NRXN3: variants seen among roughly 807,000 people sequenced by gnomAD.
The protein encoded by NRXN3 is neurexin III.
Under a neutral mutation model 137.6 loss-of-function variants are expected in NRXN3, and 32 were observed. The ratio of observed to expected loss-of-function variants is 0.23; its 90% confidence interval spans 0.18 to 0.31. NRXN3 has a LOEUF of 0.31. Ranked by LOEUF, NRXN3 falls within the 10% of genes least tolerant of loss-of-function variation. The pLI is 1.00. For synonymous variants in NRXN3, 798 were observed against 784.5 expected (o/e 1.02, Z -0.29); for missense variants, 1,574 against 2,062.5 (o/e 0.76, Z 4.59).
At chr14:78,288,583 T>C (rs1323825096) in intron 3 of NRXN3, among the ~76,000 whole-genome samples, 1 of 152,218 alleles carries the variant, frequency 6.6e-6, no homozygotes, top group Non-Finnish European at 1.5e-5. Context: ...ACATCAGCTG[T>C]CCCTTCTAGC....
intron 3 of NRXN3, chr14:78,279,620 A>G (rs889125285): frequency 8.5e-5 from 13 of 152,116 alleles, no homozygotes; most frequent in Non-Finnish European, 7.4e-5. Context: ...CTGTTAGGTT[A>G]AGCAGTTTTG....
intron 4 of NRXN3, among the ~76,000 whole-genome samples, chr14:78,314,133 CA>C (rs2078282750): frequency 6.6e-6 from 1 of 152,020 alleles, no homozygotes. Flanking sequence ...TTTCTGGGTG[CA>C]AGTAGTTTGT....
At chr14:79,834,974 A>G (rs1294934080) in intron 20 of NRXN3, among the ~76,000 whole-genome samples, 1 of 152,042 alleles carries the variant, frequency 6.6e-6, no homozygotes, top group African/African-American at 2.4e-5. Flanking sequence ...ATAGCCTCTC[A>G]TAACCACCGT....
At chr14:78,519,021 T>C (rs954348564) in intron 4 of NRXN3, among the ~76,000 whole-genome samples, 5 of 152,122 alleles carry the variant, frequency 3.3e-5, no homozygotes, top group Non-Finnish European at 5.9e-5. Flanking sequence ...TATAAAGAAA[T>C]ATTCCTTTCA....
At position 79,244,453 on chromosome 14, in the gene NRXN3, C is replaced by T. The variant is rs139542932; in HGVS notation, c.3263-222768C>T. Among the ~76,000 whole-genome samples the T allele has an allele frequency of 3.3e-3, 495 of 152,218 alleles. 2 individuals are homozygous for T. Among genetic ancestry groups the T allele is most frequent in the African/African-American group, 0.011 (460 of 41,558 alleles). On this transcript the variant is annotated intron_variant, in intron 15 of 20. Coordinates refer to ENST00000335750, the MANE Select transcript of NRXN3 (RefSeq NM_001330195.2). ...TGAGAAGTCCAGTTCAGCCTCATAA[C>T]GCGTGAACGTTATTTATCTTGAATG...
rs151081740 is a variant in NRXN3 at position 78,595,911 on chromosome 14, C to T, written c.758-49209C>T. Reference sequence around the variant, plus strand: ...ATCATAATATCATGGGTTAAACCAACAGCAATTTTAGACCCCAAGGGGACA... The same window carrying T: ...ATCATAATATCATGGGTTAAACCAATAGCAATTTTAGACCCCAAGGGGACA... On this transcript the variant is annotated intron_variant, in intron 4 of 20. Transcript: ENST00000335750. 1.1e-4 allele frequency among the ~76,000 whole-genome samples: 17 copies of T among 152,268 alleles called. No homozygotes were observed. The East Asian group carries it at 3.1e-3, about 28-fold the overall frequency.
At chr14:79,061,595 G>A (rs1021294024) in intron 15 of NRXN3, among the ~76,000 whole-genome samples, 1 of 152,220 alleles carries the variant, frequency 6.6e-6, no homozygotes, top group Non-Finnish European at 1.5e-5. Context: ...GGTTTTATTA[G>A]CACTGCAGTG....
chr14:78,470,713 A>G (rs1454624236), intron 4 of NRXN3, among the ~76,000 whole-genome samples: 1 of 151,720 alleles, frequency 6.6e-6, no homozygotes, highest in East Asian at 1.9e-4. Context: ...GGGAGGAAAT[A>G]AAGAAGAGAT....
chr14:79,629,258 T>C (rs1025240498), intron 16 of NRXN3, among the ~76,000 whole-genome samples: 3 of 152,150 alleles, frequency 2.0e-5, no homozygotes, highest in African/African-American at 7.2e-5. Context: ...GGAGACCATA[T>C]ATAATTCCGA....
intron 4 of NRXN3, among the ~76,000 whole-genome samples, chr14:78,559,580 A>G (rs1461475252): frequency 6.6e-6 from 1 of 152,246 alleles, no homozygotes; most frequent in Non-Finnish European, 1.5e-5. Context: ...ATTGCTTTCC[A>G]GAAGGGCTGT....
At chr14:79,378,957 G>C (rs2094387298) in intron 15 of NRXN3, among the ~76,000 whole-genome samples, 1 of 151,228 alleles carries the variant, frequency 6.6e-6, no homozygotes, top group Non-Finnish European at 1.5e-5. Context: ...CTTTTGTTTT[G>C]GATTGATTGT....
At chr14:78,686,669 G>C (rs777146111) in intron 6 of NRXN3, among the ~76,000 whole-genome samples, 10 of 152,130 alleles carry the variant, frequency 6.6e-5, no homozygotes, top group Admixed American at 2.0e-4. Context: ...GCGTACCTTT[G>C]TATATATGAG....
Position 79,817,059 on chromosome 14 carries a change from T to A in NRXN3, c.4093+11869T>A, listed in dbSNP as rs2099253767. On this transcript the variant is annotated intron_variant, in intron 20 of 20. Transcript: ENST00000335750. ...TTGGTGTGAAGTTTAGTTGCCCCCA[T>A]AATTATTATTATTTTTTTTTGGTCA... Among the ~76,000 whole-genome samples, 4 of 152,226 alleles carry A rather than the reference T, an allele frequency of 2.6e-5. No individual in the cohort carries two copies. The South Asian group carries it at 8.3e-4, about 32-fold the overall frequency.
intron 16 of NRXN3, among the ~76,000 whole-genome samples, chr14:79,602,827 A>T (rs934525441): frequency 1.3e-5 from 2 of 152,158 alleles, no homozygotes; most frequent in South Asian, 2.1e-4. Context: ...TAATTCTGGA[A>T]TGATTTCCAA....
intron 15 of NRXN3, among the ~76,000 whole-genome samples, chr14:79,418,801 A>G (rs1366551410): frequency 6.6e-6 from 1 of 152,162 alleles, no homozygotes; most frequent in Non-Finnish European, 1.5e-5. Context: ...TAAGAGGGTA[A>G]ACAGCAGGTG....
At chr14:78,808,580 G>A (rs974894506) in intron 9 of NRXN3, among the ~76,000 whole-genome samples, 2 of 152,038 alleles carry the variant, frequency 1.3e-5, no homozygotes, top group Non-Finnish European at 2.9e-5. Context: ...CTCACCAGGG[G>A]CATGGCCTCC....
At chr14:78,912,034 AG>A (rs367975028) in intron 10 of NRXN3, among the ~76,000 whole-genome samples, 2,616 of 151,722 alleles carry the variant, frequency 0.017, 80 homozygotes, top group African/African-American at 0.06. Context: ...CTCGTCATTT[AG>A]CATTAGGTAT....
At chr14:79,495,349 A>C (rs2096756239) in intron 16 of NRXN3, among the ~76,000 whole-genome samples, 2 of 152,374 alleles carry the variant, frequency 1.3e-5, no homozygotes, top group Admixed American at 6.5e-5. Flanking sequence ...ATGCCTAGTC[A>C]GAGTTCTGAA....
chr14:78,583,149 C>A (rs1173080920), intron 4 of NRXN3, among the ~76,000 whole-genome samples: 30 of 152,084 alleles, frequency 2.0e-4, no homozygotes, highest in Admixed American at 2.0e-3. Flanking sequence ...ACAGACCCTG[C>A]AAAGCTTAGG....
Sources: gnomAD v4.1 joint callset for allele counts (sites outside exome capture counted in the v4.1 genomes callset) on GRCh38, gnomAD v4.1.1 for gene constraint, MANE v1.5 for transcripts, NCBI Gene and HGNC (gene_info 2026-07-23, HGNC 2026-07-21) for gene names.